The following MTMR14 variants were observed in gnomAD, a reference collection of about 807,000 sequenced individuals.
The protein encoded by MTMR14 is myotubularin related protein 14, also known as phosphatidylinositol-3,5-bisphosphate 3-phosphatase MTMR14.
In MTMR14, 48 loss-of-function variants were observed where a neutral mutation model predicts 86.3. That is an observed-to-expected ratio of 0.56 (90% CI 0.44 to 0.71). The LOEUF (loss-of-function observed/expected upper bound fraction) is 0.71. Among genes scored for constraint, MTMR14 ranks in the 30% least tolerant of loss-of-function variants. MTMR14 has a pLI of 0.00. For missense variants in MTMR14, 780 were observed against 834.6 expected (o/e 0.93, Z 0.81); for synonymous variants, 366 against 326.1 (o/e 1.12, Z -1.32).
intron 17 of MTMR14, among the ~76,000 whole-genome samples, chr3:9,692,022 A>G (rs997073693): frequency 2.6e-5 from 4 of 152,174 alleles, no homozygotes; most frequent in African/African-American, 9.7e-5. Flanking sequence ...GGAGCATTCT[A>G]ATTATGTATT....
chr3:9,690,087 C>T lies in MTMR14; in HGVS notation c.1557C>T (p.Asn519=). The T allele has an allele frequency of 6.2e-7, 1 of 1,613,700 alleles. No individual in the cohort carries two copies. Among genetic ancestry groups the T allele is most frequent in the East Asian group, 2.2e-5 (1 of 44,878 alleles). ...EARSSSSSSS[N]HSDNFFRMGS... is the part of the protein sequence containing the mutation. ...GGTCTTCCAGCTCCTCTTCCTCAAA[C>T]CATTCTGATAACTTTTTCAGGATGG... The change falls in exon 17 of 19, where the codon AAC becomes AAT. Residue 519 remains asparagine, a synonymous_variant. Transcript: ENST00000296003.
intron 3 of MTMR14, among the ~76,000 whole-genome samples, chr3:9,667,463 CA>C (rs1464825978): frequency 1.3e-5 from 2 of 151,784 alleles, no homozygotes; most frequent in Non-Finnish European, 2.9e-5. Flanking sequence ...GGAGATAGTT[CA>C]TACTTTTTTA....
chr3:9,654,971 A>G (rs2047512490), intron 2 of MTMR14, among the ~76,000 whole-genome samples: 1 of 152,218 alleles, frequency 6.6e-6, no homozygotes, highest in South Asian at 2.1e-4. Flanking sequence ...AAATGTCCTT[A>G]GGGATCAACT....
intron 18 of MTMR14, among the ~76,000 whole-genome samples, chr3:9,698,340 A>G (rs1482687227): frequency 6.6e-6 from 1 of 152,206 alleles, no homozygotes; most frequent in African/African-American, 2.4e-5. Flanking sequence ...GGGCAGGAAT[A>G]AGAATTGGAT....
rs201678479 is a variant in MTMR14 at position 9,698,868 on chromosome 3, T to TAA, written c.1769+1014_1769+1015dup. On this transcript the variant is annotated intron_variant, in intron 18 of 18. Transcript: ENST00000296003. ...ACAAGATCTTAGATGTTCGAAGGCT[T>TAA]AAAAAAAAAAAAATTGCAGGCCGGG... 6.2e-5 allele frequency among the ~76,000 whole-genome samples: 9 copies of TAA among 145,022 alleles called. No individual in the cohort carries two copies. In the East Asian group the frequency reaches 1.0e-3, roughly 16 times the overall value.
chr3:9,686,353 G>T (rs750448713), intron 13 of MTMR14, among the ~76,000 whole-genome samples: 1 of 152,116 alleles, frequency 6.6e-6, no homozygotes, highest in Non-Finnish European at 1.5e-5. Flanking sequence ...CTCCCTCCCC[G>T]ACAAAGCAGA....
At chr3:9,678,528 C>T (rs1312802982) in intron 9 of MTMR14, among the ~76,000 whole-genome samples, 1 of 152,254 alleles carries the variant, frequency 6.6e-6, no homozygotes, top group Non-Finnish European at 1.5e-5. Context: ...TCTCTCTACC[C>T]TTAGCCCACA....
intron 3 of MTMR14, among the ~76,000 whole-genome samples, chr3:9,667,517 G>T: frequency 6.6e-6 from 1 of 151,884 alleles, no homozygotes; most frequent in Non-Finnish European, 1.5e-5. Flanking sequence ...AAGTTAAGTG[G>T]CCCCCACTGG....
rs774330205 is a variant in MTMR14 at position 9,668,799 on chromosome 3, A to C, written c.493+5A>C. The C allele has an allele frequency of 6.2e-7, 1 of 1,613,854 alleles. No individual in the cohort carries two copies. ...GCTACAACTATTTTTTCTCAGGTGA[A>C]TGTTGAACAGCATCCTCTGATGTAG... On this transcript the variant is annotated splice_donor_5th_base_variant and intron_variant, in intron 4 of 18. Coordinates refer to ENST00000296003, the MANE Select transcript of MTMR14 (RefSeq NM_001077525.3).
At chr3:9,674,086 T>G (rs2048723846) in intron 7 of MTMR14, among the ~76,000 whole-genome samples, 1 of 152,184 alleles carries the variant, frequency 6.6e-6, no homozygotes, top group Non-Finnish European at 1.5e-5. Flanking sequence ...AGACATAGTT[T>G]CCAGCTCCCA....
chr3:9,661,244 C>G (rs1475353145), intron 2 of MTMR14, among the ~76,000 whole-genome samples: 1 of 152,190 alleles, frequency 6.6e-6, no homozygotes, highest in Admixed American at 6.5e-5. Flanking sequence ...GCACCAGGGA[C>G]TGGTTTCATG....
At chr3:9,666,775 C>T (rs563772018) in intron 3 of MTMR14, among the ~76,000 whole-genome samples, 3 of 152,278 alleles carry the variant, frequency 2.0e-5, no homozygotes, top group South Asian at 4.1e-4. Flanking sequence ...TGCTTTTCCA[C>T]GGACCGTATT....
At position 9,702,149 on chromosome 3, in the gene MTMR14, C is replaced by A; in HGVS notation, c.*176C>A. On this transcript the variant is annotated 3_prime_UTR_variant, in exon 19 of 19. Transcript: ENST00000296003. ...AAGGCCAAAGACAGGGTTTTCCAAC[C>A]CCCAGCCTCTTGACTGGTGACCACC... 2.5e-6 allele frequency: 2 copies of A among 785,234 alleles called. No homozygotes were observed. Among genetic ancestry groups the A allele is most frequent in the Non-Finnish European group, 4.2e-6 (2 of 475,416 alleles). 48.6% of individuals were successfully genotyped at this position (785,234 alleles called of 1,614,324 possible).
At position 9,684,868 on chromosome 3, in the gene MTMR14, TCTC is replaced by T; in HGVS notation, c.1051-17_1051-15del. The T allele has an allele frequency of 6.2e-7, 1 of 1,613,180 alleles. No homozygotes were observed. ...GGGATGAGAAGAGGGCTCTGTCACA[TCTC>T]CTGTGGTCTCTTCCAGGATGGGCTC... On this transcript the variant is annotated splice_polypyrimidine_tract_variant and intron_variant, in intron 11 of 18. Coordinates refer to ENST00000296003, the MANE Select transcript of MTMR14 (RefSeq NM_001077525.3).
intron 1 of MTMR14, among the ~76,000 whole-genome samples, chr3:9,649,964 C>T (rs987255758): frequency 6.6e-6 from 1 of 151,968 alleles, no homozygotes; most frequent in African/African-American, 2.4e-5. Context: ...GCAAAGAGGT[C>T]CTTCTTGTTT....
intron 2 of MTMR14, among the ~76,000 whole-genome samples, chr3:9,660,261 CTTTT>C (rs771078188): frequency 6.9e-6 from 1 of 144,610 alleles, no homozygotes; most frequent in East Asian, 2.0e-4. Context: ...GGGCACTTTG[CTTTT>C]TTTTTTTTCC....
intron 6 of MTMR14, 87 bp downstream of exon 6, chr3:9,671,257 G>T: frequency 6.3e-7 from 1 of 1,581,520 alleles, no homozygotes; most frequent in Non-Finnish European, 8.7e-7. Context: ...GTCACTGCGT[G>T]CTGGCCTTCT....
Position 9,701,794 on chromosome 3 carries a change from G to A in MTMR14, c.1774G>A (p.Ala592Thr), listed in dbSNP as rs1236344272. Residue 592 changes from alanine to threonine, a missense_variant, in exon 19 of 19, where the codon GCA becomes ACA. Ala to Thr is a moderately conservative substitution (Grantham distance 58). Coordinates refer to ENST00000296003, the MANE Select transcript of MTMR14 (RefSeq NM_001077525.3). This position sits in a 1 kb window ranked among gnomAD's most constrained non-coding sequence, Gnocchi z 4.2. ...PDELPNSCLL[A>T]ALSDRETRLQ... Reference sequence around the variant, plus strand: ...TTTCTCTTGACCTCCCCATAGGCTTGCAGCCCTGAGTGATCGAGAGACTCG... The same window carrying A: ...TTTCTCTTGACCTCCCCATAGGCTTACAGCCCTGAGTGATCGAGAGACTCG... 3 of 1,613,760 alleles carry A rather than the reference G, an allele frequency of 1.9e-6. No individual in the cohort carries two copies. The highest frequency in any genetic ancestry group is 1.7e-6 in the Non-Finnish European group (2 of 1,180,036).
intron 17 of MTMR14, among the ~76,000 whole-genome samples, chr3:9,696,840 A>C (rs2076294893): frequency 6.6e-6 from 1 of 152,216 alleles, no homozygotes; most frequent in Non-Finnish European, 1.5e-5. Flanking sequence ...TCAAGCATCA[A>C]AGATGATGTC....
Sources: gnomAD v4.1 joint callset for allele counts (sites outside exome capture counted in the v4.1 genomes callset) on GRCh38, gnomAD v4.1.1 for gene constraint, Gnocchi (gnomAD v3.1) non-coding constraint, MANE v1.5 for transcripts, NCBI Gene and HGNC (gene_info 2026-07-23, HGNC 2026-07-21) for gene names.